The following TMEFF2 variants were observed in gnomAD, a reference collection of about 807,000 sequenced individuals.
TMEFF2 encodes the protein tomoregulin-2.
A neutral mutation model predicts 53.8 loss-of-function variants in TMEFF2; 28 were observed. The ratio of observed to expected loss-of-function variants is 0.52; its 90% CI spans 0.39 to 0.71. The LOEUF is 0.71. Ranked by LOEUF, TMEFF2 falls within the 30% of genes least tolerant of loss-of-function variation. TMEFF2 has a pLI of 0.00. For synonymous variants in TMEFF2, 162 were observed against 166.3 expected, an observed-to-expected ratio of 0.97 and a Z score of 0.20; for missense variants, 353 against 455.2, an observed-to-expected ratio of 0.78 and a Z score of 2.04.
At chr2:192,152,116 C>T (rs1477707508) in intron 4 of TMEFF2, among the ~76,000 whole-genome samples, 2 of 151,826 alleles carry the variant, frequency 1.3e-5, no homozygotes, top group African/African-American at 2.4e-5. Context: ...TAACCAAGAG[C>T]TGAGAGCACA....
At chr2:192,077,972 A>C (rs1406798218) in intron 4 of TMEFF2, among the ~76,000 whole-genome samples, 1 of 152,138 alleles carries the variant, frequency 6.6e-6, no homozygotes, top group Non-Finnish European at 1.5e-5. Flanking sequence ...AGCAAGCACT[A>C]GAGTCTGCCA....
intron 4 of TMEFF2, among the ~76,000 whole-genome samples, chr2:192,065,954 A>G (rs1384134525): frequency 6.6e-6 from 1 of 151,750 alleles, no homozygotes; most frequent in Non-Finnish European, 1.5e-5. Context: ...AGTAAGTTGT[A>G]TTTAAATGAT....
chr2:192,067,445 A>C (rs1346315802), intron 4 of TMEFF2, among the ~76,000 whole-genome samples: 1 of 151,868 alleles, frequency 6.6e-6, no homozygotes, highest in South Asian at 2.1e-4. Context: ...TTGTATTTAC[A>C]TTTAAGGAGG....
At chr2:192,096,280 A>G (rs565729356) in intron 4 of TMEFF2, among the ~76,000 whole-genome samples, 13 of 152,190 alleles carry the variant, frequency 8.5e-5, no homozygotes, top group Admixed American at 3.3e-4. Flanking sequence ...AACTGAATTA[A>G]AAAATTTTAT....
At chr2:192,182,977 A>T (rs1365803966) in intron 3 of TMEFF2, among the ~76,000 whole-genome samples, 1 of 151,902 alleles carries the variant, frequency 6.6e-6, no homozygotes, top group Non-Finnish European at 1.5e-5. Flanking sequence ...AAGGCTGCCC[A>T]TTGACTCTCA....
chr2:192,073,242 C>T (rs1045218662), intron 4 of TMEFF2, among the ~76,000 whole-genome samples: 5 of 151,802 alleles, frequency 3.3e-5, no homozygotes, highest in African/African-American at 1.2e-4. Context: ...TCAGCTGTAC[C>T]TGGCAGAATC....
Position 191,971,327 on chromosome 2 carries a change from A to C in TMEFF2, c.746-14949T>G, listed in dbSNP as rs367591115. Among the ~76,000 whole-genome samples, 228 of 152,262 alleles carry C rather than the reference A, an allele frequency of 1.5e-3. 2 individuals are homozygous for C. Among genetic ancestry groups the C allele is most frequent in the African/African-American group, 5.2e-3 (218 of 41,584 alleles). On this transcript the variant is annotated intron_variant, in intron 7 of 9. Transcript: ENST00000272771. ...TCAAGAAATCAATAGGGGTTATAAA[A>C]CATGTACAAATTTGAATTTGGAGAG...
At chr2:192,133,700 T>A (rs1574403567) in intron 4 of TMEFF2, among the ~76,000 whole-genome samples, 2 of 152,222 alleles carry the variant, frequency 1.3e-5, no homozygotes, top group South Asian at 4.1e-4. Flanking sequence ...GCACGGGTCA[T>A]CCCAGCCTCT....
At chr2:192,192,462 C>T (rs1455702646) in intron 1 of TMEFF2, among the ~76,000 whole-genome samples, 1 of 152,040 alleles carries the variant, frequency 6.6e-6, no homozygotes, top group Non-Finnish European at 1.5e-5. Context: ...TGAAATGTAT[C>T]CAGACAAAGA....
chr2:192,153,993 A>G (rs1229432460), intron 4 of TMEFF2, among the ~76,000 whole-genome samples: 1 of 151,912 alleles, frequency 6.6e-6, no homozygotes, highest in Non-Finnish European at 1.5e-5. Flanking sequence ...GTGCTTGTAT[A>G]TTAAATTTGA....
intron 4 of TMEFF2, among the ~76,000 whole-genome samples, chr2:192,175,821 T>A (rs2106029025): frequency 6.6e-6 from 1 of 151,536 alleles, no homozygotes; most frequent in African/African-American, 2.4e-5. Context: ...TTTTGATAGT[T>A]AAAATATGGT....
At position 192,191,964 on chromosome 2, in the gene TMEFF2, G is replaced by A; in HGVS notation, c.198C>T (p.Leu66=). 3.7e-6 allele frequency: 6 copies of A among 1,612,404 alleles called. No individual in the cohort carries two copies. The highest frequency in any genetic ancestry group is 5.1e-6 in the Non-Finnish European group (6 of 1,178,622). Residue 66 remains leucine (L), a synonymous_variant, in exon 2 of 10, where the codon CTC becomes CTT. Transcript: ENST00000272771. The stretch of plus-strand genomic sequence containing the variant: ...TACAGGTGTTGGTGTCACAGAGGAA[G>A]AGATCATTTTCTCTGTCATCATAAC... ...CSGYDDREND[L]FLCDTNTCKF...
intron 2 of TMEFF2, among the ~76,000 whole-genome samples, chr2:192,189,360 G>A (rs575551773): frequency 1.6e-3 from 248 of 151,654 alleles, no homozygotes; most frequent in Non-Finnish European, 2.5e-3. Context: ...CCTGGGTAAC[G>A]TGGTGAAACC....
chr2:192,069,286 T>G (rs1688232037), intron 4 of TMEFF2, among the ~76,000 whole-genome samples: 1 of 151,730 alleles, frequency 6.6e-6, no homozygotes. Flanking sequence ...GTAGTGATGC[T>G]CCATCTTGGA....
Position 191,950,548 on chromosome 2 carries a change from A to G in TMEFF2, c.1029-141T>C. The G allele has an allele frequency of 2.4e-6, 3 of 1,259,764 alleles. No homozygotes were observed. The South Asian group carries it at 3.8e-5, about 16-fold the overall frequency. 78.0% of individuals were successfully genotyped at this position (1,259,764 alleles called of 1,614,324 possible). On this transcript the variant is annotated intron_variant, in intron 9 of 9. Coordinates refer to ENST00000272771, the MANE Select transcript of TMEFF2 (RefSeq NM_016192.4). ...GAATTTATCATTAGTAGAAGCTTGG[A>G]TTATTTTGGAAAAGTTATTATTTTG...
intron 5 of TMEFF2, among the ~76,000 whole-genome samples, chr2:192,049,560 C>T (rs10497720): frequency 0.31 from 47,153 of 151,892 alleles, 7,688 homozygotes; most frequent in Non-Finnish European, 0.38. Context: ...AGACAGGAAT[C>T]GCTGACTCAG....
At chr2:192,051,791 T>C (rs1258453307) in intron 5 of TMEFF2, among the ~76,000 whole-genome samples, 1 of 152,214 alleles carries the variant, frequency 6.6e-6, no homozygotes, top group Admixed American at 6.5e-5. Context: ...AGGAGCAAGA[T>C]GTTAAAGACT....
chr2:192,057,216 A>AT (rs1687930958), intron 5 of TMEFF2, among the ~76,000 whole-genome samples: 1 of 111,556 alleles, frequency 9.0e-6, no homozygotes, highest in Non-Finnish European at 2.0e-5. Flanking sequence ...GCTAATTATT[A>AT]TTATTTTTTT....
At chr2:192,143,361 C>T (rs1193409536) in intron 4 of TMEFF2, among the ~76,000 whole-genome samples, 1 of 152,114 alleles carries the variant, frequency 6.6e-6, no homozygotes, top group African/African-American at 2.4e-5. Flanking sequence ...CCAATTGCTT[C>T]TGGTGTATGC....
Sources: allele counts gnomAD v4.1 joint callset (sites outside exome capture counted in the v4.1 genomes callset), GRCh38; gene constraint gnomAD v4.1.1; transcripts MANE v1.5; gene names NCBI Gene and HGNC (gene_info 2026-07-23, HGNC 2026-07-21).